Variants in PKHD1 observed in about 807,000 individuals in gnomAD.
PKHD1 encodes the protein fibrocystin.
Under a neutral mutation model 412.0 loss-of-function variants are expected in PKHD1, and 291 were observed. The ratio of observed to expected loss-of-function variants is 0.71; its 90% CI spans 0.64 to 0.78. The LOEUF (loss-of-function observed/expected upper bound fraction) is 0.78, where lower values mean the gene tolerates loss of function less well. Among genes scored for constraint, PKHD1 ranks in the 30% least tolerant of loss-of-function variants. The pLI, the probability that PKHD1 is intolerant of heterozygous loss-of-function variation, is 0.00. For synonymous variants in PKHD1, 1,777 were observed against 1,821.5 expected (o/e 0.98, Z 0.62); for missense variants, 4,825 against 4,950.7 (o/e 0.97, Z 0.76).
At chr6:51,766,168 T>C (rs1490778714) in intron 55 of PKHD1, among the ~76,000 whole-genome samples, 1 of 152,108 alleles carries the variant, frequency 6.6e-6, no homozygotes, top group African/African-American at 2.4e-5. Context: ...GAAAATCATG[T>C]CAAATAAATA....
At chr6:51,980,510 C>T (rs1472888923) in intron 35 of PKHD1, among the ~76,000 whole-genome samples, 2 of 152,124 alleles carry the variant, frequency 1.3e-5, no homozygotes, top group African/African-American at 4.8e-5. Flanking sequence ...ATTTATTGAG[C>T]CAGGTACTGT....
chr6:51,686,739 T>C (rs560351044), intron 60 of PKHD1, among the ~76,000 whole-genome samples: 25 of 152,170 alleles, frequency 1.6e-4, no homozygotes, highest in Admixed American at 1.2e-3. Context: ...ACCAGGCACA[T>C]AGTAGACTCA....
chr6:51,961,895 T>C (rs1172499988), intron 35 of PKHD1, among the ~76,000 whole-genome samples: 1 of 152,066 alleles, frequency 6.6e-6, no homozygotes, highest in Non-Finnish European at 1.5e-5. Context: ...TAGAGCTTAA[T>C]AAAATGTAGA....
At chr6:51,749,995 G>C (rs189970918) in intron 57 of PKHD1, among the ~76,000 whole-genome samples, 76 of 152,216 alleles carry the variant, frequency 5.0e-4, no homozygotes, top group African/African-American at 1.8e-3. Flanking sequence ...CTGTTTCACT[G>C]TTTCAATAAT....
chr6:51,867,123 A>C (rs748297537), intron 48 of PKHD1, among the ~76,000 whole-genome samples: 1 of 152,164 alleles, frequency 6.6e-6, no homozygotes, highest in Admixed American at 6.6e-5. Context: ...GAATTACTTG[A>C]CTTAATACTC....
intron 10 of PKHD1, 116 bp from the exon 11 acceptor site, chr6:52,069,643 T>G: frequency 1.2e-6 from 1 of 801,488 alleles, no homozygotes; most frequent in Middle Eastern, 2.2e-4. Flanking sequence ...TTTAGAACAG[T>G]TGAAATAGCA....
chr6:51,818,941 TG>T (rs1765926284), intron 52 of PKHD1, among the ~76,000 whole-genome samples: 2 of 152,160 alleles, frequency 1.3e-5, no homozygotes, highest in Admixed American at 6.5e-5. Flanking sequence ...AGATGTAAAC[TG>T]ACATATCTAT....
chr6:52,060,064 C>A, intron 14 of PKHD1, 22 bp from the exon 15 acceptor site: 1 of 1,362,994 alleles, frequency 7.3e-7, no homozygotes, highest in South Asian at 1.2e-5. Context: ...AACATAGAGT[C>A]AAGCAAGAGT....
intron 60 of PKHD1, among the ~76,000 whole-genome samples, chr6:51,668,158 T>C (rs1034129958): frequency 2.0e-5 from 3 of 152,150 alleles, no homozygotes; most frequent in African/African-American, 7.2e-5. Context: ...TTTCACGATA[T>C]TGATTCTTCC....
chr6:52,059,259 C>CTTTTTT lies in PKHD1; in HGVS notation c.1233+663_1234-659dup, dbSNP rs55992586. On this transcript the variant is annotated intron_variant, in intron 15 of 66. Transcript: ENST00000371117. Reference sequence around the variant, plus strand: ...CTTTCTTTTTTTTCTTTTTCTTTTTCTTTTTTTTTTTTTTTTTTTTTTTTG... The same window carrying CTTTTTT: ...CTTTCTTTTTTTTCTTTTTCTTTTTCTTTTTTTTTTTTTTTTTTTTTTTTTTTTTTG... 9.3e-3 allele frequency among the ~76,000 whole-genome samples: 780 copies of CTTTTTT among 83,510 alleles called. 1 individual carries two copies. Among genetic ancestry groups the CTTTTTT allele is most frequent in the African/African-American group, 0.014 (267 of 19,180 alleles). The allele number at this position is 83,510 out of a possible 152,430, so 54.8% of individuals were successfully genotyped here.
chr6:51,960,590 G>A (rs906587033), intron 35 of PKHD1, among the ~76,000 whole-genome samples: 1 of 152,150 alleles, frequency 6.6e-6, no homozygotes, highest in Non-Finnish European at 1.5e-5. Flanking sequence ...TAAGTGCTCA[G>A]ATCTATCCTC....
At chr6:52,032,217 A>G (rs1803162502) in intron 29 of PKHD1, among the ~76,000 whole-genome samples, 3 of 152,178 alleles carry the variant, frequency 2.0e-5, no homozygotes, top group Non-Finnish European at 2.9e-5. Context: ...TTGAGTTCAG[A>G]CTTTTTCTTT....
chr6:51,980,815 A>G (rs1055592035), intron 35 of PKHD1, among the ~76,000 whole-genome samples: 2 of 152,256 alleles, frequency 1.3e-5, no homozygotes, highest in Non-Finnish European at 2.9e-5. Context: ...ACTACTCAAC[A>G]TGATCCCTAT....
intron 35 of PKHD1, among the ~76,000 whole-genome samples, chr6:52,009,703 T>C (rs1010782801): frequency 2.6e-5 from 4 of 152,102 alleles, no homozygotes; most frequent in Non-Finnish European, 4.4e-5. Flanking sequence ...GTGGAATTCC[T>C]CTCTGGAGAC....
At chr6:51,890,581 C>T (rs1481914983) in intron 43 of PKHD1, among the ~76,000 whole-genome samples, 1 of 151,902 alleles carries the variant, frequency 6.6e-6, no homozygotes, top group Non-Finnish European at 1.5e-5. Flanking sequence ...CTTAAGGCAC[C>T]GGAGGTAGTG....
intron 57 of PKHD1, among the ~76,000 whole-genome samples, chr6:51,750,974 A>C (rs1203874844): frequency 6.6e-6 from 1 of 151,994 alleles, no homozygotes; most frequent in Non-Finnish European, 1.5e-5. Flanking sequence ...GCAGGGTTTC[A>C]CCATGTTGGC....
intron 49 of PKHD1, among the ~76,000 whole-genome samples, chr6:51,852,371 T>C (rs1278098116): frequency 6.6e-6 from 1 of 152,224 alleles, no homozygotes; most frequent in East Asian, 1.9e-4. Flanking sequence ...GAAGAATGTA[T>C]ATTCTGTTGA....
In PKHD1 at chr6:51,659,776, G is replaced by T. The variant is rs765652131; in HGVS notation, c.10350C>A (p.Cys3450Ter). 6.2e-7 allele frequency: 1 copy of T among 1,613,432 alleles called. No individual in the cohort carries two copies. Among genetic ancestry groups the T allele is most frequent in the African/African-American group, 1.3e-5 (1 of 74,898 alleles). Residue 3450 changes from cysteine to a stop codon, truncating the protein, a stop_gained, in exon 61 of 67, where the codon TGC becomes TGA. Transcript: ENST00000371117. LOFTEE classifies it high-confidence loss of function. ...AAGTAGACACTGACCCAGAAGTAGA[G>T]CAGGGAATATTGGCATTTACACTGC... ...VFSSVNANIP[C>*]STSGSVSTFY...
chr6:51,937,806 A>G (rs895639764), intron 36 of PKHD1, among the ~76,000 whole-genome samples: 5 of 152,160 alleles, frequency 3.3e-5, no homozygotes, highest in Admixed American at 3.3e-4. Context: ...CCTGGTCTGG[A>G]GTCTGACACC....
Sources: gnomAD v4.1 joint callset for allele counts (sites outside exome capture counted in the v4.1 genomes callset) on GRCh38, gnomAD v4.1.1 for gene constraint, MANE v1.5 for transcripts, NCBI Gene and HGNC (gene_info 2026-07-23, HGNC 2026-07-21) for gene names.